GFM1: variants seen among roughly 807,000 people sequenced by gnomAD.
GFM1 encodes elongation factor G, mitochondrial.
Under a neutral mutation model 96.2 loss-of-function variants are expected in GFM1, and 62 were observed. The ratio of observed to expected loss-of-function variants is 0.64; its 90% CI spans 0.53 to 0.80. The LOEUF (loss-of-function observed/expected upper bound fraction) is 0.80. GFM1 is among the 30% of genes least tolerant of loss of function. The pLI is 0.00. For synonymous variants in GFM1, 282 were observed against 312.9 expected, an observed-to-expected ratio of 0.90 and a Z score of 1.04; for missense variants, 852 against 916.6, an observed-to-expected ratio of 0.93 and a Z score of 0.91.
At chr3:158,649,963 G>A (rs1283003394) in intron 5 of GFM1, 8 of 1,477,628 alleles carry the variant, frequency 5.4e-6, no homozygotes, top group Middle Eastern at 1.8e-4. Context: ...ATGATCCTTT[G>A]TTCTGAGGAG....
intron 13 of GFM1, among the ~76,000 whole-genome samples, chr3:158,675,144 G>A (rs1357823959): frequency 2.0e-5 from 3 of 151,666 alleles, no homozygotes; most frequent in Non-Finnish European, 2.9e-5. Context: ...AAAATTAGCC[G>A]GGCGTGGCGG....
chr3:158,657,220 TAA>T (rs1722839819), intron 8 of GFM1: 1 of 152,040 alleles, frequency 6.6e-6, no homozygotes, highest in African/African-American at 2.4e-5. Context: ...TTTTTTTAAT[TAA>T]AAAGTGGAAA....
At chr3:158,646,536 C>T (rs543336282) in intron 3 of GFM1, among the ~76,000 whole-genome samples, 1 of 152,278 alleles carries the variant, frequency 6.6e-6, no homozygotes, top group South Asian at 2.1e-4. Context: ...CTAGCTGATT[C>T]TAAAGGTGCC....
chr3:158,667,101 T>G (rs530189487), intron 13 of GFM1: 406 of 1,553,020 alleles, frequency 2.6e-4, no homozygotes, highest in Non-Finnish European at 3.4e-4. Context: ...AAACGTGTTG[T>G]TTAAAACTTA....
intron 9 of GFM1, 90 bp from the exon 10 acceptor site, chr3:158,660,784 C>A (rs944721787): frequency 6.7e-6 from 7 of 1,038,538 alleles, no homozygotes; most frequent in African/African-American, 6.3e-5. Flanking sequence ...TTTTTATATA[C>A]AATGTGTGTA....
intron 13 of GFM1, chr3:158,669,109 C>T: frequency 6.2e-7 from 1 of 1,613,548 alleles, no homozygotes; most frequent in South Asian, 1.1e-5. Context: ...AGCGTCATTT[C>T]TGGAGATACA....
intron 8 of GFM1, chr3:158,656,214 C>T: frequency 1.2e-4 from 25 of 213,930 alleles, no homozygotes; most frequent in South Asian, 4.5e-4. Context: ...AGTGCAATGG[C>T]ACAATCTCGG....
At chr3:158,647,367 G>C (rs1721904352) in intron 4 of GFM1, among the ~76,000 whole-genome samples, 1 of 152,112 alleles carries the variant, frequency 6.6e-6, no homozygotes, top group South Asian at 2.1e-4. Flanking sequence ...AGATTTTCTT[G>C]TTTTCAGACG....
Position 158,695,554 on chromosome 3 carries a change from C to G in GFM1, c.*4087C>G, listed in dbSNP as rs1726513553. On this transcript the variant is annotated 3_prime_UTR_variant, in exon 18 of 18. Transcript: ENST00000486715. Reference sequence around the variant, plus strand: ...CATAATCTATTGTACTGTAATAAATCTGCTAAAAGGTTACCTTAGAAACAT... The same window carrying G: ...CATAATCTATTGTACTGTAATAAATGTGCTAAAAGGTTACCTTAGAAACAT... 1 of 152,124 alleles carries G rather than the reference C, an allele frequency of 6.6e-6. No individual in the cohort carries two copies. Among genetic ancestry groups the G allele is most frequent in the South Asian group, 2.1e-4 (1 of 4,826 alleles). The allele number at this position is 152,124 out of a possible 1,614,324, so 9.4% of individuals were successfully genotyped here.
chr3:158,684,455 TG>T, intron 14 of GFM1, 68 bp from the exon 15 acceptor site: 1 of 1,482,110 alleles, frequency 6.7e-7, no homozygotes, highest in Non-Finnish European at 9.4e-7. Flanking sequence ...ACAAATATTT[TG>T]GGGTTCTTGA....
At chr3:158,674,722 A>C (rs1724722370) in intron 13 of GFM1, among the ~76,000 whole-genome samples, 1 of 151,024 alleles carries the variant, frequency 6.6e-6, no homozygotes, top group South Asian at 2.1e-4. Context: ...CTCCTTGAAA[A>C]GAAAAGATAA....
Position 158,668,996 on chromosome 3 carries a change from C to T in GFM1, c.1601+2610C>T, listed in dbSNP as rs2108060923. The T allele has an allele frequency of 1.9e-6, 3 of 1,606,932 alleles. No individual in the cohort carries two copies. In the East Asian group the frequency reaches 6.7e-5, roughly 36 times the overall value. ...AGTGTATTTTATAGAAACTACTTACCACTTGCTTGACAGTTTGAATTTTTA... is the reference window on the plus strand; with the variant it reads ...AGTGTATTTTATAGAAACTACTTACTACTTGCTTGACAGTTTGAATTTTTA... On this transcript the variant is annotated intron_variant, in intron 13 of 17. Transcript: ENST00000486715.
At position 158,658,988 on chromosome 3, in the gene GFM1, A is replaced by G. The variant is rs1722982858; in HGVS notation, c.1150A>G (p.Ile384Val). 6.2e-7 allele frequency: 1 copy of G among 1,614,018 alleles called. No homozygotes were observed. The highest frequency in any genetic ancestry group is 8.5e-7 in the Non-Finnish European group (1 of 1,180,006). The change falls in exon 9 of 18, where the codon ATC (isoleucine) becomes GTC (valine). Residue 384 changes from isoleucine (I) to valine (V), a missense_variant. Transcript: ENST00000486715. The part of the protein sequence containing the change: ...YQGELKKGDT[I>V]YNTRTRKKVR... ...GGGAGAGCTAAAGAAGGGTGACACC[A>G]TCTATAACACAAGGACAAGAAAGAA...
At chr3:158,690,524 A>C (rs1726223564) in intron 16 of GFM1, 3 of 577,688 alleles carry the variant, frequency 5.2e-6, no homozygotes, top group South Asian at 4.1e-5. Context: ...ACCTTTTGTG[A>C]ATGTGTCATT....
chr3:158,667,776 A>G (rs1191380195), intron 13 of GFM1, among the ~76,000 whole-genome samples: 1 of 152,208 alleles, frequency 6.6e-6, no homozygotes, highest in Non-Finnish European at 1.5e-5. Context: ...CAACAGAGTG[A>G]AACCCTGTCT....
intron 13 of GFM1, among the ~76,000 whole-genome samples, chr3:158,681,508 C>A (rs1168990737): frequency 6.6e-6 from 1 of 152,118 alleles, no homozygotes; most frequent in Admixed American, 6.6e-5. Flanking sequence ...TTAATTATTT[C>A]ACTTGGAAAT....
chr3:158,658,684 T>C (rs1576744721), intron 8 of GFM1, among the ~76,000 whole-genome samples: 1 of 152,242 alleles, frequency 6.6e-6, no homozygotes, highest in East Asian at 1.9e-4. Context: ...TGTAATAGCT[T>C]ATTTCAAAGG....
intron 13 of GFM1, among the ~76,000 whole-genome samples, chr3:158,680,659 C>T (rs921071850): frequency 2.6e-5 from 4 of 152,132 alleles, no homozygotes; most frequent in African/African-American, 9.7e-5. Flanking sequence ...CTCTCTGTCC[C>T]TCAGGTTTCT....
intron 13 of GFM1, among the ~76,000 whole-genome samples, chr3:158,671,553 T>C (rs1220849272): frequency 6.6e-6 from 1 of 152,254 alleles, no homozygotes; most frequent in Non-Finnish European, 1.5e-5. Context: ...AAATGGTATT[T>C]CACTTTTAAA....
Sources: gnomAD v4.1 joint callset for allele counts (sites outside exome capture counted in the v4.1 genomes callset) on GRCh38, gnomAD v4.1.1 for gene constraint, MANE v1.5 for transcripts, NCBI Gene and HGNC (gene_info 2026-07-23, HGNC 2026-07-21) for gene names.